PDE7B: variants seen among roughly 807,000 people sequenced by gnomAD.
PDE7B encodes the protein 3',5'-cyclic-AMP phosphodiesterase 7B.
In PDE7B, 29 loss-of-function variants were observed where a neutral mutation model predicts 56.2. The observed-to-expected ratio is 0.52, with a 90% CI of 0.38 to 0.70. The LOEUF (loss-of-function observed/expected upper bound fraction) is 0.70. Ranked by LOEUF, PDE7B falls within the 30% of genes least tolerant of loss-of-function variation. PDE7B has a pLI of 0.00. For synonymous variants in PDE7B, 197 were observed against 196.9 expected (o/e 1.00, Z 0.00); for missense variants, 490 against 565.0 (o/e 0.87, Z 1.35).
intron 2 of PDE7B, among the ~76,000 whole-genome samples, chr6:135,948,612 C>A (rs961365531): frequency 2.0e-5 from 3 of 151,842 alleles, no homozygotes; most frequent in Non-Finnish European, 4.4e-5. Context: ...GCCTTCTAAT[C>A]TTTCTTAAAT....
At chr6:136,046,561 G>T (rs934243019) in intron 2 of PDE7B, among the ~76,000 whole-genome samples, 4 of 152,290 alleles carry the variant, frequency 2.6e-5, no homozygotes, top group Middle Eastern at 3.4e-3. Context: ...CGCCTGAGAG[G>T]TGCCAACCTC....
rs562821153 is a variant in PDE7B, at chr6:136,180,307, G to A, written c.949-920G>A. 2.6e-5 allele frequency among the ~76,000 whole-genome samples: 4 copies of A among 152,334 alleles called. No homozygotes were observed. In the South Asian group the frequency reaches 8.3e-4, roughly 32 times the overall value. On this transcript the variant is annotated intron_variant, in intron 10 of 12. Transcript: ENST00000308191. ...TGATTTGAGTGACTAAAGCCAAGTT[G>A]TGAATAGCTGAAAGATTTGGCCTTG...
intron 2 of PDE7B, among the ~76,000 whole-genome samples, chr6:136,028,387 A>C (rs1249640177): frequency 1.3e-5 from 2 of 152,226 alleles, no homozygotes; most frequent in Non-Finnish European, 2.9e-5. Context: ...AAGTGGAAAA[A>C]TCTTTCCCAA....
At chr6:135,922,930 T>G (rs966693490) in intron 1 of PDE7B, among the ~76,000 whole-genome samples, 2 of 152,168 alleles carry the variant, frequency 1.3e-5, no homozygotes, top group East Asian at 3.9e-4. Context: ...ATCTTAGAAT[T>G]TGGCTGTGTT....
intron 1 of PDE7B, among the ~76,000 whole-genome samples, chr6:135,856,619 A>G (rs568023685): frequency 1.3e-5 from 2 of 152,148 alleles, no homozygotes; most frequent in East Asian, 1.9e-4. Flanking sequence ...TAATCGAGAC[A>G]TTTCTGGGAT....
At chr6:136,003,391 C>CA (rs1255330983) in intron 2 of PDE7B, among the ~76,000 whole-genome samples, 3 of 151,884 alleles carry the variant, frequency 2.0e-5, no homozygotes, top group African/African-American at 7.3e-5. Flanking sequence ...AAAAACCCTT[C>CA]AAAAAATTAA....
At chr6:135,899,184 A>C (rs1379374597) in intron 1 of PDE7B, among the ~76,000 whole-genome samples, 1 of 152,146 alleles carries the variant, frequency 6.6e-6, no homozygotes, top group Non-Finnish European at 1.5e-5. Flanking sequence ...TGAGTCAATT[A>C]AACCTCTTTC....
chr6:136,104,767 T>C (rs1012682327), intron 2 of PDE7B, among the ~76,000 whole-genome samples: 3 of 152,236 alleles, frequency 2.0e-5, no homozygotes, highest in African/African-American at 7.2e-5. Context: ...TTGTCCTGCC[T>C]CCTGCCTTAC....
At chr6:136,025,334 T>C (rs1435298739) in intron 2 of PDE7B, among the ~76,000 whole-genome samples, 2 of 152,178 alleles carry the variant, frequency 1.3e-5, no homozygotes, top group Non-Finnish European at 2.9e-5. Context: ...TAAAATAAAA[T>C]GCATTGATTA....
chr6:135,879,252 TA>T (rs1381808720), intron 1 of PDE7B, among the ~76,000 whole-genome samples: 1 of 152,104 alleles, frequency 6.6e-6, no homozygotes, highest in Non-Finnish European at 1.5e-5. Flanking sequence ...AAATATAAAA[TA>T]TTTTTTTCTC....
chr6:136,167,073 C>G (rs1460720953), intron 8 of PDE7B, among the ~76,000 whole-genome samples: 2 of 152,094 alleles, frequency 1.3e-5, no homozygotes, highest in Admixed American at 6.6e-5. Flanking sequence ...TGCTCTTCCC[C>G]AGGCAGGAAT....
intron 2 of PDE7B, chr6:136,044,587 T>C (rs1776469368): frequency 6.6e-6 from 1 of 152,144 alleles, no homozygotes; most frequent in African/African-American, 2.4e-5. Context: ...TTAAAAAAGG[T>C]ATAAGTGCAA....
rs1368375424 is a variant in PDE7B at position 136,195,043 on chromosome 6, G to A, written c.*3203G>A. On this transcript the variant is annotated 3_prime_UTR_variant, in exon 13 of 13. Coordinates refer to ENST00000308191, the MANE Select transcript of PDE7B (RefSeq NM_018945.4). Reference sequence around the variant, plus strand: ...GAAAGGAATCAAAGGACTGTGTGTAGTAAGCTGACGGTAAAGTTAAGATTA... The same window carrying A: ...GAAAGGAATCAAAGGACTGTGTGTAATAAGCTGACGGTAAAGTTAAGATTA... 6.6e-6 allele frequency: 1 copy of A among 152,210 alleles called. No individual in the cohort carries two copies. The highest frequency in any genetic ancestry group is 2.4e-5 in the African/African-American group (1 of 41,446). The allele number at this position is 152,210 out of a possible 1,614,324, so 9.4% of individuals were successfully genotyped here.
At chr6:135,927,403 G>C (rs1195702147) in intron 1 of PDE7B, among the ~76,000 whole-genome samples, 1 of 152,014 alleles carries the variant, frequency 6.6e-6, no homozygotes, top group Non-Finnish European at 1.5e-5. Context: ...TTTTAGAATA[G>C]TTTCTTTTAA....
chr6:135,983,654 T>G (rs780676293), intron 2 of PDE7B, among the ~76,000 whole-genome samples: 21 of 152,236 alleles, frequency 1.4e-4, no homozygotes, highest in Non-Finnish European at 1.3e-4. Context: ...TACGTGAGCA[T>G]TTATTGAAAA....
intron 2 of PDE7B, among the ~76,000 whole-genome samples, chr6:136,104,475 A>G (rs1364754147): frequency 6.6e-6 from 1 of 152,208 alleles, no homozygotes; most frequent in Admixed American, 6.5e-5. Context: ...TGTCCCTCAG[A>G]AAACAGCCCA....
intron 3 of PDE7B, among the ~76,000 whole-genome samples, chr6:136,120,983 T>A (rs1331410721): frequency 6.6e-6 from 1 of 152,072 alleles, no homozygotes; most frequent in East Asian, 1.9e-4. Flanking sequence ...CAAGAAAAAT[T>A]ATAACCTTGT....
chr6:135,998,499 G>A (rs1433316171), intron 2 of PDE7B, among the ~76,000 whole-genome samples: 12 of 152,228 alleles, frequency 7.9e-5, no homozygotes, highest in Non-Finnish European at 1.5e-4. Flanking sequence ...GCTCACGCCT[G>A]TAATCCCAGC....
At chr6:135,974,479 AT>A (rs1191682824) in intron 2 of PDE7B, among the ~76,000 whole-genome samples, 2 of 152,202 alleles carry the variant, frequency 1.3e-5, no homozygotes, top group Non-Finnish European at 2.9e-5. Context: ...AATGATTTAT[AT>A]TCAAAGATTG....
Sources: gnomAD v4.1 joint callset for allele counts (sites outside exome capture counted in the v4.1 genomes callset) on GRCh38, gnomAD v4.1.1 for gene constraint, MANE v1.5 for transcripts, NCBI Gene and HGNC (gene_info 2026-07-23, HGNC 2026-07-21) for gene names.